Variants in BZW2 observed in about 807,000 individuals in gnomAD.
BZW2 encodes the protein basic leucine zipper and W2 domains 2.
Under a neutral mutation model 53.2 loss-of-function variants are expected in BZW2, and 23 were observed. That is an observed-to-expected ratio of 0.43 (90% CI 0.31 to 0.61). The LOEUF (loss-of-function observed/expected upper bound fraction) is 0.61. BZW2 is among the 20% of genes least tolerant of loss of function. The pLI is 0.09. For missense variants in BZW2, 409 were observed against 503.1 expected (o/e 0.81, Z 1.79); for synonymous variants, 227 against 186.4 (o/e 1.22, Z -1.77).
At position 16,681,353 on chromosome 7, in the gene BZW2, CTG is replaced by C. The variant is rs1407797570; in HGVS notation, c.294_295del (p.Ala101LysfsTer2). ...GTGACAAGACCAAGATGACCAACCA[CTG>C]TGTGTTTTCAGCAAATGAAGATCAT... Reference protein sequence around the residue: ...DGDKTKMTNHCVFSANEDHET... With the variant: ...DGDKTKMTNHXVFSANEDHET... On this transcript the variant is annotated frameshift_variant, in exon 4 of 12. Coordinates refer to ENST00000258761, the MANE Select transcript of BZW2 (RefSeq NM_014038.3). LOFTEE classifies it high-confidence loss of function. 6.2e-7 allele frequency: 1 copy of C among 1,613,994 alleles called. No homozygotes were observed. Among genetic ancestry groups the C allele is most frequent in the Non-Finnish European group, 8.5e-7 (1 of 1,180,000 alleles).
intron 6 of BZW2, among the ~76,000 whole-genome samples, chr7:16,689,093 G>A (rs1045048873): frequency 2.2e-4 from 34 of 152,074 alleles, no homozygotes; most frequent in African/African-American, 8.0e-4. Flanking sequence ...GGGTGTGGTG[G>A]TGCATGCCTG....
Position 16,704,604 on chromosome 7 carries a change from A to G in BZW2, c.1166A>G (p.Lys389Arg). Reference sequence around the variant, plus strand: ...TGGTATAAGGAAGCACATGTTGCTAAAGGCAAAAGTGTTTTTCTTGACCAG... The same window carrying G: ...TGGTATAAGGAAGCACATGTTGCTAGAGGCAAAAGTGTTTTTCTTGACCAG... The part of the protein sequence containing the change: ...LKWYKEAHVA[K>R]GKSVFLDQMK... Residue 389 changes from lysine to arginine, a missense_variant, in exon 11 of 12, where the codon AAA becomes AGA. Around this residue, in one of 3 missense-constraint regions of BZW2, gnomAD observed 88 missense variants for 114.6 expected, o/e 0.77. Coordinates refer to ENST00000258761, the MANE Select transcript of BZW2 (RefSeq NM_014038.3). 1 of 1,596,582 alleles carries G rather than the reference A, an allele frequency of 6.3e-7. No individual in the cohort carries two copies. Among genetic ancestry groups the G allele is most frequent in the Non-Finnish European group, 8.6e-7 (1 of 1,166,246 alleles).
At chr7:16,685,257 C>T (rs1783077934) in intron 5 of BZW2, among the ~76,000 whole-genome samples, 2 of 152,116 alleles carry the variant, frequency 1.3e-5, no homozygotes, top group South Asian at 2.1e-4. Flanking sequence ...AGTTCCCTGC[C>T]TCTGGGGCAA....
At chr7:16,654,989 A>C (rs1782085826) in intron 1 of BZW2, among the ~76,000 whole-genome samples, 1 of 152,210 alleles carries the variant, frequency 6.6e-6, no homozygotes, top group Admixed American at 6.5e-5. Flanking sequence ...CTCACTTTCA[A>C]ATAAAGATGC....
At chr7:16,675,643 T>C (rs1321725139) in intron 3 of BZW2, among the ~76,000 whole-genome samples, 3 of 152,208 alleles carry the variant, frequency 2.0e-5, no homozygotes, top group Admixed American at 1.3e-4. Context: ...ACTGAATTAG[T>C]TTTGTTGTTC....
intron 6 of BZW2, 80 bp downstream of exon 6, chr7:16,686,120 C>T: frequency 6.4e-7 from 1 of 1,556,302 alleles, no homozygotes; most frequent in Non-Finnish European, 8.7e-7. Flanking sequence ...ATGCCAGTGG[C>T]TCTTTTTGGT....
At chr7:16,658,060 A>G (rs1265716231) in intron 1 of BZW2, among the ~76,000 whole-genome samples, 1 of 152,196 alleles carries the variant, frequency 6.6e-6, no homozygotes, top group Non-Finnish European at 1.5e-5. Context: ...GACATCAGTA[A>G]AATTAGACCA....
At chr7:16,656,791 A>T (rs1164370922) in intron 1 of BZW2, among the ~76,000 whole-genome samples, 1 of 152,230 alleles carries the variant, frequency 6.6e-6, no homozygotes, top group Admixed American at 6.5e-5. Flanking sequence ...GCTAAAAGTT[A>T]TGAGCATGGA....
intron 6 of BZW2, chr7:16,688,417 T>C (rs1393991465): frequency 6.6e-6 from 1 of 152,210 alleles, no homozygotes; most frequent in Non-Finnish European, 1.5e-5. Flanking sequence ...CTTCAGCTGA[T>C]TGGCTGACAC....
chr7:16,704,448 A>C, intron 10 of BZW2, 99 bp from the exon 11 acceptor site: 1 of 1,230,708 alleles, frequency 8.1e-7, no homozygotes, highest in Admixed American at 2.7e-5. Flanking sequence ...AATGCTTTAT[A>C]TTTAAAATGA....
chr7:16,664,311 C>T (rs1782355319), intron 1 of BZW2, among the ~76,000 whole-genome samples: 1 of 152,190 alleles, frequency 6.6e-6, no homozygotes, highest in South Asian at 2.1e-4. Context: ...AATAAAATGG[C>T]AGGCACTGCT....
intron 1 of BZW2, among the ~76,000 whole-genome samples, chr7:16,649,179 T>C (rs917355132): frequency 5.9e-5 from 9 of 152,332 alleles, no homozygotes; most frequent in Admixed American, 4.6e-4. Context: ...ATTATAGTTA[T>C]TATTAATCTG....
chr7:16,686,057 T>C lies in BZW2; in HGVS notation c.541+17T>C. On this transcript the variant is annotated intron_variant, in intron 6 of 11. Coordinates refer to ENST00000258761, the MANE Select transcript of BZW2 (RefSeq NM_014038.3). ...TCAAAGAAGGTAACGAGGCTCCTGT[T>C]TTCTCGCCTGTCAGACAACAAAAGA... The C allele has an allele frequency of 1.2e-6, 2 of 1,611,376 alleles. No homozygotes were observed. The highest frequency in any genetic ancestry group is 1.7e-6 in the Non-Finnish European group (2 of 1,179,012).
chr7:16,666,128 A>T lies in BZW2; in HGVS notation c.58+627A>T, dbSNP rs187681637. On this transcript the variant is annotated intron_variant, in intron 2 of 11. Coordinates refer to ENST00000258761, the MANE Select transcript of BZW2 (RefSeq NM_014038.3). ...TATTTTTTTAGAGACAGGGTCTTGC[A>T]CTGTCACCCAGGTTGGAGTGCAGTG... Among the ~76,000 whole-genome samples, 649 of 152,102 alleles carry T rather than the reference A, an allele frequency of 4.3e-3. 11 individuals carry two copies. The South Asian group carries it at 0.052, about 12-fold the overall frequency.
At chr7:16,683,930 T>G (rs1783035242) in intron 5 of BZW2, among the ~76,000 whole-genome samples, 1 of 151,872 alleles carries the variant, frequency 6.6e-6, no homozygotes, top group African/African-American at 2.4e-5. Context: ...TGAAGAGCAA[T>G]TTGGCAATAG....
chr7:16,680,964 C>T (rs961096798), intron 3 of BZW2, among the ~76,000 whole-genome samples: 2 of 151,980 alleles, frequency 1.3e-5, no homozygotes, highest in African/African-American at 4.8e-5. Flanking sequence ...ATTAGCCAGG[C>T]ATGGTGGTGC....
intron 2 of BZW2, among the ~76,000 whole-genome samples, chr7:16,670,735 T>C (rs1782573833): frequency 1.3e-5 from 2 of 152,188 alleles, no homozygotes; most frequent in South Asian, 2.1e-4. Context: ...AGAATTCCTA[T>C]GCGTTTTCCT....
intron 9 of BZW2, 141 bp from the exon 10 acceptor site, chr7:16,697,907 G>T (rs541381109): frequency 4.0e-6 from 4 of 1,007,028 alleles, no homozygotes; most frequent in Non-Finnish European, 5.8e-6. Context: ...ACCCCATTGG[G>T]CACAATATGA....
chr7:16,650,039 G>A (rs1261586901), intron 1 of BZW2, among the ~76,000 whole-genome samples: 1 of 151,972 alleles, frequency 6.6e-6, no homozygotes, highest in African/African-American at 2.4e-5. Flanking sequence ...ACATAAGAAA[G>A]TAATATAAAT....
Sources: gnomAD v4.1 joint callset for allele counts (sites outside exome capture counted in the v4.1 genomes callset) on GRCh38, gnomAD v4.1.1 for gene constraint, gnomAD v4.1.1 regional missense constraint, MANE v1.5 for transcripts, NCBI Gene and HGNC (gene_info 2026-07-23, HGNC 2026-07-21) for gene names.